Variants in MITF observed in about 807,000 individuals in gnomAD.
The protein encoded by MITF is microphthalmia-associated transcription factor.
MITF carries 17 observed loss-of-function variants against 60.5 expected under a neutral mutation model. The ratio of observed to expected loss-of-function variants is 0.28; its 90% CI spans 0.19 to 0.42. The LOEUF (loss-of-function observed/expected upper bound fraction) is 0.42. MITF is among the 10% of genes least tolerant of loss of function. MITF has a pLI of 1.00. For synonymous variants in MITF, 260 were observed against 248.5 expected (o/e 1.05, Z -0.43); for missense variants, 622 against 683.5 (o/e 0.91, Z 1.00).
rs542555095 is a variant in MITF, at chr3:69,879,275, G to A, written c.246G>A (p.Ala82=). ...GGGAGCAGCAGCAGAAGCTGCAGGC[G>A]GCCCAGTTCATGCAACAGAGAGTGC... is the stretch of plus-strand genomic sequence containing the variant. The part of the protein sequence containing the change: ...ERREQQQKLQ[A]AQFMQQRVPV... The change falls in exon 2 of 10, where the codon GCG becomes GCA. Residue 82 remains alanine (A), a synonymous_variant. Coordinates refer to ENST00000352241, the MANE Select transcript of MITF (RefSeq NM_001354604.2). 233 of 1,614,182 alleles carry A rather than the reference G, an allele frequency of 1.4e-4. 4 individuals are homozygous for A. In the South Asian group the frequency reaches 2.2e-3, roughly 16 times the overall value.
At chr3:69,931,983 A>G (rs949264267) in intron 2 of MITF, among the ~76,000 whole-genome samples, 6 of 152,238 alleles carry the variant, frequency 3.9e-5, no homozygotes, top group Non-Finnish European at 5.9e-5. Context: ...CATATCCTGT[A>G]TTCTTACAAA....
chr3:69,754,216 C>G (rs982618703), intron 1 of MITF, among the ~76,000 whole-genome samples: 3 of 151,584 alleles, frequency 2.0e-5, no homozygotes, highest in African/African-American at 7.3e-5. Context: ...TAGTCTCTCT[C>G]TCTCCTTTTT....
chr3:69,848,612 TATC>T (rs1423366701), intron 1 of MITF, among the ~76,000 whole-genome samples: 8 of 152,198 alleles, frequency 5.3e-5, no homozygotes, highest in East Asian at 3.9e-4. Context: ...TGCACGGTAA[TATC>T]ATGCTCAGAG....
At chr3:69,750,265 G>A (rs1181396423) in intron 1 of MITF, among the ~76,000 whole-genome samples, 1 of 151,974 alleles carries the variant, frequency 6.6e-6, no homozygotes, top group Non-Finnish European at 1.5e-5. Flanking sequence ...CTTATCACAG[G>A]GATTGGTTTC....
intron 1 of MITF, among the ~76,000 whole-genome samples, chr3:69,842,980 G>A (rs988255432): frequency 1.3e-5 from 2 of 152,178 alleles, no homozygotes; most frequent in Non-Finnish European, 2.9e-5. Context: ...GTCTGGAGGT[G>A]TGCCAAGGGC....
At chr3:69,792,801 A>G (rs901182237) in intron 1 of MITF, among the ~76,000 whole-genome samples, 9 of 151,902 alleles carry the variant, frequency 5.9e-5, no homozygotes, top group African/African-American at 2.2e-4. Flanking sequence ...AAAATTCCTT[A>G]TTGATTGATT....
In MITF at chr3:69,764,023, C is replaced by T. The variant is rs76158281; in HGVS notation, c.104+24322C>T. 2.4e-3 allele frequency: 2,669 copies of T among 1,102,986 alleles called. 55 individuals carry two copies. In the African/African-American group the frequency reaches 0.04, roughly 17 times the overall value. 68.3% of individuals were successfully genotyped at this position (1,102,986 alleles called of 1,614,324 possible). On this transcript the variant is annotated intron_variant, in intron 1 of 9. Coordinates refer to ENST00000352241, the MANE Select transcript of MITF (RefSeq NM_001354604.2). ...TTTTAAGGGATGTCAATCTTTATAT[C>T]GTATGAAATCTTTGGTTCTTGTTCA...
chr3:69,775,158 T>C (rs1404707289), intron 1 of MITF, among the ~76,000 whole-genome samples: 1 of 152,184 alleles, frequency 6.6e-6, no homozygotes, highest in Non-Finnish European at 1.5e-5. Context: ...TCATGCTGTT[T>C]ACATAATTAT....
chr3:69,855,844 G>A (rs2063909590), intron 1 of MITF, among the ~76,000 whole-genome samples: 1 of 152,102 alleles, frequency 6.6e-6, no homozygotes, highest in African/African-American at 2.4e-5. Context: ...CTGACATTTT[G>A]TTCTGACAGC....
chr3:69,755,380 A>G (rs1477991212), intron 1 of MITF, among the ~76,000 whole-genome samples: 2 of 145,476 alleles, frequency 1.4e-5, no homozygotes, highest in Non-Finnish European at 3.0e-5. Flanking sequence ...AATATAAGCC[A>G]TAAGGCCCTG....
At chr3:69,822,182 A>G (rs2063286671) in intron 1 of MITF, among the ~76,000 whole-genome samples, 1 of 152,196 alleles carries the variant, frequency 6.6e-6, no homozygotes, top group South Asian at 2.1e-4. Flanking sequence ...GGATGCCCCT[A>G]CAATTAAGAA....
Position 69,907,025 on chromosome 3 carries a change from A to G in MITF, c.354+27642A>G, listed in dbSNP as rs143436971. ...ACATTGTCCATGTGAGGTAGGCACC[A>G]TAAATCCTTGTTTTGCCTGAAGAAA... On this transcript the variant is annotated intron_variant, in intron 2 of 9. Coordinates refer to ENST00000352241, the MANE Select transcript of MITF (RefSeq NM_001354604.2). Among the ~76,000 whole-genome samples the G allele has an allele frequency of 1.1e-3, 164 of 152,304 alleles. No individual in the cohort carries two copies. In the Middle Eastern group the frequency reaches 0.017, roughly 16 times the overall value.
intron 1 of MITF, chr3:69,866,221 G>A (rs531178646): frequency 2.5e-6 from 4 of 1,605,580 alleles, no homozygotes; most frequent in African/African-American, 2.7e-5. Flanking sequence ...TAGTGACACA[G>A]CCAGTGCCAG....
rs2066639106 is a variant in MITF, at chr3:69,964,713, G to A, written c.1180-134G>A. On this transcript the variant is annotated intron_variant, in intron 9 of 9. Transcript: ENST00000352241. ...TATACTTTACATTCCCTCTGGTATT[G>A]TACATTTTGTGGGTTTGGCCAAATG... 4 of 384,212 alleles carry A rather than the reference G, an allele frequency of 1.0e-5. 2 individuals are homozygous for A. Among genetic ancestry groups the A allele is most frequent in the Admixed American group, 9.1e-5 (2 of 22,098 alleles). The allele number at this position is 384,212 out of a possible 1,614,324, so 23.8% of individuals were successfully genotyped here.
At chr3:69,947,318 G>A (rs1406428799) in intron 5 of MITF, among the ~76,000 whole-genome samples, 2 of 152,124 alleles carry the variant, frequency 1.3e-5, no homozygotes, top group African/African-American at 2.4e-5. Flanking sequence ...GGAATCCAAG[G>A]AGTTACCAGA....
intron 1 of MITF, among the ~76,000 whole-genome samples, chr3:69,807,583 G>A (rs1434787811): frequency 1.3e-5 from 2 of 152,172 alleles, no homozygotes; most frequent in Non-Finnish European, 2.9e-5. Flanking sequence ...AGTCTTGCTT[G>A]TCTACAACAA....
At chr3:69,891,090 G>A (rs1483649730) in intron 2 of MITF, among the ~76,000 whole-genome samples, 3 of 152,120 alleles carry the variant, frequency 2.0e-5, no homozygotes, top group South Asian at 2.1e-4. Flanking sequence ...ATTAACATAA[G>A]TTAATAAACT....
chr3:69,885,177 G>A (rs959892760), intron 2 of MITF, among the ~76,000 whole-genome samples: 3 of 152,200 alleles, frequency 2.0e-5, no homozygotes, highest in South Asian at 2.1e-4. Context: ...TGGCAGATAC[G>A]CAACATGGCG....
At chr3:69,810,128 C>T (rs1478147917) in intron 1 of MITF, among the ~76,000 whole-genome samples, 1 of 152,126 alleles carries the variant, frequency 6.6e-6, no homozygotes, top group African/African-American at 2.4e-5. Flanking sequence ...GGTCCTCTGT[C>T]CTGAGCCTCA....
Sources: allele counts gnomAD v4.1 joint callset (sites outside exome capture counted in the v4.1 genomes callset), GRCh38; gene constraint gnomAD v4.1.1; transcripts MANE v1.5; gene names NCBI Gene and HGNC (gene_info 2026-07-23, HGNC 2026-07-21).